LRRTM4: variants seen among roughly 807,000 people sequenced by gnomAD.
LRRTM4 encodes leucine-rich repeat transmembrane neuronal protein 4.
Under a neutral mutation model 47.6 loss-of-function variants are expected in LRRTM4, and 25 were observed. The ratio of observed to expected loss-of-function variants is 0.53; its 90% CI spans 0.38 to 0.73. The LOEUF (loss-of-function observed/expected upper bound fraction) is 0.73, where lower values mean the gene tolerates loss of function less well. LRRTM4 is among the 30% of genes least tolerant of loss of function. The pLI is 0.00. For missense variants in LRRTM4, 638 were observed against 713.4 expected, an observed-to-expected ratio of 0.89 and a Z score of 1.20; for synonymous variants, 311 against 269.5, an observed-to-expected ratio of 1.15 and a Z score of -1.51.
At chr2:76,947,451 G>C (rs1302888408) in intron 3 of LRRTM4, among the ~76,000 whole-genome samples, 1 of 151,716 alleles carries the variant, frequency 6.6e-6, no homozygotes, top group Non-Finnish European at 1.5e-5. Flanking sequence ...ACAATAATGT[G>C]GGAATAATGA....
intron 3 of LRRTM4, among the ~76,000 whole-genome samples, chr2:76,974,428 ATAT>A (rs1253559283): frequency 6.6e-6 from 1 of 150,866 alleles, no homozygotes; most frequent in African/African-American, 2.4e-5. Flanking sequence ...TGCACTGATT[ATAT>A]TATTATTGTT....
At chr2:76,830,322 C>G (rs1294274913) in intron 3 of LRRTM4, among the ~76,000 whole-genome samples, 1 of 151,872 alleles carries the variant, frequency 6.6e-6, no homozygotes, top group East Asian at 1.9e-4. Flanking sequence ...AACTATATGC[C>G]TTTTCTTTAA....
At chr2:77,414,347 T>C (rs930027104) in intron 3 of LRRTM4, among the ~76,000 whole-genome samples, 8 of 152,188 alleles carry the variant, frequency 5.3e-5, no homozygotes, top group South Asian at 2.1e-4. Flanking sequence ...TAATTTAGTC[T>C]GGTACATACT....
chr2:76,951,037 T>C (rs1170926324), intron 3 of LRRTM4, among the ~76,000 whole-genome samples: 5 of 152,080 alleles, frequency 3.3e-5, no homozygotes, highest in East Asian at 3.9e-4. Flanking sequence ...AAGGAGGAAA[T>C]AAATACAGTA....
At chr2:77,243,530 A>T (rs1675334712) in intron 3 of LRRTM4, among the ~76,000 whole-genome samples, 2 of 149,536 alleles carry the variant, frequency 1.3e-5, no homozygotes, top group South Asian at 4.3e-4. Flanking sequence ...GGTTTCCGGC[A>T]TCTGGGGGAA....
intron 3 of LRRTM4, among the ~76,000 whole-genome samples, chr2:76,862,683 A>G (rs1672349985): frequency 2.0e-5 from 3 of 152,214 alleles, no homozygotes; most frequent in Admixed American, 2.0e-4. Flanking sequence ...AAAATAAGGC[A>G]TTGATAAGAG....
intron 3 of LRRTM4, among the ~76,000 whole-genome samples, chr2:76,788,721 T>C (rs1364522171): frequency 1.3e-5 from 2 of 152,324 alleles, no homozygotes; most frequent in East Asian, 1.9e-4. Flanking sequence ...TTTATATCTA[T>C]TCTATCAATG....
At chr2:76,962,736 T>G (rs562258135) in intron 3 of LRRTM4, among the ~76,000 whole-genome samples, 2 of 150,742 alleles carry the variant, frequency 1.3e-5, no homozygotes, top group Non-Finnish European at 3.0e-5. Context: ...CAGAACATCT[T>G]AGGAATTAAA....
chr2:77,288,955 C>A (rs568482954), intron 3 of LRRTM4, among the ~76,000 whole-genome samples: 42 of 152,152 alleles, frequency 2.8e-4, no homozygotes, highest in Non-Finnish European at 5.0e-4. Flanking sequence ...AGTTAATGCA[C>A]CTCTCACCTA....
intron 3 of LRRTM4, among the ~76,000 whole-genome samples, chr2:76,935,622 G>C (rs1674920077): frequency 6.6e-6 from 1 of 152,146 alleles, no homozygotes; most frequent in Non-Finnish European, 1.5e-5. Flanking sequence ...AATTGTGAAT[G>C]AGAGTTCACT....
intron 3 of LRRTM4, among the ~76,000 whole-genome samples, chr2:76,834,478 A>T (rs988940765): frequency 1.3e-5 from 2 of 152,020 alleles, no homozygotes; most frequent in Non-Finnish European, 2.9e-5. Context: ...ATTTGTAATT[A>T]AGTATGTTTA....
chr2:77,442,305 G>A (rs1675875216), intron 3 of LRRTM4, among the ~76,000 whole-genome samples: 1 of 152,138 alleles, frequency 6.6e-6, no homozygotes, highest in East Asian at 1.9e-4. Context: ...AAAGCATCAT[G>A]TATTTTCTTT....
At chr2:77,261,986 C>A (rs548505233) in intron 3 of LRRTM4, among the ~76,000 whole-genome samples, 1 of 152,000 alleles carries the variant, frequency 6.6e-6, no homozygotes, top group Non-Finnish European at 1.5e-5. Flanking sequence ...AGCATTGCCA[C>A]CTGAGCTCCA....
intron 3 of LRRTM4, among the ~76,000 whole-genome samples, chr2:76,938,959 T>G (rs1266583072): frequency 6.6e-6 from 1 of 152,076 alleles, no homozygotes; most frequent in Non-Finnish European, 1.5e-5. Context: ...TCTCTGATAA[T>G]TTTTTTCATC....
chr2:77,353,917 C>G (rs1040747235), intron 3 of LRRTM4, among the ~76,000 whole-genome samples: 2 of 152,148 alleles, frequency 1.3e-5, no homozygotes, highest in Non-Finnish European at 2.9e-5. Context: ...ACAGCTTTAT[C>G]AAGGCAGCAG....
chr2:77,051,475 C>A (rs1309751255), intron 3 of LRRTM4, among the ~76,000 whole-genome samples: 1 of 152,122 alleles, frequency 6.6e-6, no homozygotes, highest in Non-Finnish European at 1.5e-5. Context: ...GTTTGACTTT[C>A]AGAAGAAAGC....
At chr2:77,099,396 CTA>C (rs1179949707) in intron 3 of LRRTM4, among the ~76,000 whole-genome samples, 3 of 151,858 alleles carry the variant, frequency 2.0e-5, no homozygotes, top group South Asian at 2.1e-4. Context: ...ATCTTTGTGT[CTA>C]TTAAAATTTG....
chr2:76,800,401 T>C (rs1430575327), intron 3 of LRRTM4, among the ~76,000 whole-genome samples: 3 of 131,084 alleles, frequency 2.3e-5, no homozygotes, highest in East Asian at 4.6e-4. Context: ...GCTAGCCATA[T>C]GTAGAAAGCT....
At chr2:76,755,706 C>A (rs1673005099) in intron 3 of LRRTM4, among the ~76,000 whole-genome samples, 1 of 152,022 alleles carries the variant, frequency 6.6e-6, no homozygotes, top group African/African-American at 2.4e-5. Flanking sequence ...TGAGAGAGAG[C>A]ACTGGAGTTA....
Sources: gnomAD v4.1 joint callset for allele counts (sites outside exome capture counted in the v4.1 genomes callset) on GRCh38, gnomAD v4.1.1 for gene constraint, MANE v1.5 for transcripts, NCBI Gene and HGNC (gene_info 2026-07-23, HGNC 2026-07-21) for gene names.